The following ASPHD1 variants were observed in gnomAD, a reference collection of about 807,000 sequenced individuals.
ASPHD1 encodes aspartate beta-hydroxylase domain containing 1.
ASPHD1 carries 20 observed loss-of-function variants against 28.3 expected under a neutral mutation model. That is an observed-to-expected ratio of 0.71 (90% CI 0.50 to 1.03). The LOEUF is 1.03. ASPHD1 is among the 50% of genes least tolerant of loss of function. The pLI is 0.00. For missense variants in ASPHD1, 479 were observed against 524.1 expected, an observed-to-expected ratio of 0.91 and a Z score of 0.84; for synonymous variants, 240 against 221.2, an observed-to-expected ratio of 1.08 and a Z score of -0.75.
chr16:29,917,671 CAGG>C (rs570510777), intron 3 of ASPHD1, among the ~76,000 whole-genome samples: 371 of 152,206 alleles, frequency 2.4e-3, no homozygotes, highest in African/African-American at 8.7e-3. Flanking sequence ...CCCAGCTACT[CAGG>C]AGGTTAGGGC....
rs758545223 is a variant in ASPHD1, at chr16:29,901,464, G to C, written c.493G>C (p.Val165Leu). 6.3e-7 allele frequency: 1 copy of C among 1,593,776 alleles called. No individual in the cohort carries two copies. Among genetic ancestry groups the C allele is most frequent in the Non-Finnish European group, 8.5e-7 (1 of 1,170,226 alleles). Residue 165 changes from valine to leucine, a missense_variant, in exon 1 of 3, where the codon GTG becomes CTG. Coordinates refer to ENST00000308748, the MANE Select transcript of ASPHD1 (RefSeq NM_181718.4). This position sits in a 1 kb window ranked among gnomAD's most constrained non-coding sequence, Gnocchi z 5.1. ...RRYSWAGMGR[V>L]RRAAQGGPGP... ...CTACTCCTGGGCTGGGATGGGTAGA[G>C]TGAGGCGGGCAGCTCAGGGTGGCCC...
rs977093894 is a variant in ASPHD1 at position 29,901,557 on chromosome 16, C to A, written c.586C>A (p.Pro196Thr). The A allele has an allele frequency of 1.3e-5, 20 of 1,550,392 alleles. No homozygotes were observed. The highest frequency in any genetic ancestry group is 1.7e-5 in the Non-Finnish European group (20 of 1,155,372). The change falls in exon 1 of 3, where the codon CCT becomes ACT. Residue 196 changes from proline (P) to threonine (T), a missense_variant. By Grantham distance (38) the Pro-to-Thr change is conservative. Transcript: ENST00000308748. This position sits in a 1 kb window ranked among gnomAD's most constrained non-coding sequence, Gnocchi z 5.1. ...AGGCCTGCTTTTCCTACCAGACCTG[C>A]CTTCAGCCCCCTTTGTGCCGCGGGA... ...RPGLLFLPDL[P>T]SAPFVPRDAQ...
chr16:29,916,073 TC>T (rs1441245582), intron 3 of ASPHD1, among the ~76,000 whole-genome samples: 1 of 152,164 alleles, frequency 6.6e-6, no homozygotes, highest in Non-Finnish European at 1.5e-5. Flanking sequence ...GACCATCCGT[TC>T]CTTAGGTATA....
intron 3 of ASPHD1, chr16:29,912,062 C>G (rs370642081): frequency 1.3e-6 from 2 of 1,578,858 alleles, no homozygotes; most frequent in Middle Eastern, 1.7e-4. Context: ...GGGGAAGAAG[C>G]GGAAGGTGGT....
At position 29,900,767 on chromosome 16, in the gene ASPHD1, A is replaced by C; in HGVS notation, c.-205A>C. The C allele has an allele frequency of 5.1e-6, 3 of 591,334 alleles. No individual in the cohort carries two copies. The highest frequency in any genetic ancestry group is 2.9e-5 in the East Asian group (1 of 34,086). 36.6% of individuals were successfully genotyped at this position (591,334 alleles called of 1,614,324 possible). ...GTAGGAACCGCTGCCCAGGGGAGCT[A>C]GGAGGAAGCGGGGAGAGAGAGCGAG... On this transcript the variant is annotated 5_prime_UTR_variant, in exon 1 of 3. Coordinates refer to ENST00000308748, the MANE Select transcript of ASPHD1 (RefSeq NM_181718.4).
chr16:29,901,954 C>A lies in ASPHD1; in HGVS notation c.949+34C>A. 2 of 1,429,124 alleles carry A rather than the reference C, an allele frequency of 1.4e-6. No homozygotes were observed. The highest frequency in any genetic ancestry group is 3.0e-5 in the South Asian group (2 of 66,632). 88.5% of individuals were successfully genotyped at this position (1,429,124 alleles called of 1,614,324 possible). A position where few individuals can be genotyped will look rare whatever the true frequency, so the allele number is the denominator to read the frequency against. On this transcript the variant is annotated intron_variant, in intron 1 of 2. Coordinates refer to ENST00000308748, the MANE Select transcript of ASPHD1 (RefSeq NM_181718.4). This position sits in a 1 kb window ranked among gnomAD's most constrained non-coding sequence, Gnocchi z 5.1. ...CTGCCGCCTACTGACAACCTCCTTG[C>A]CTCGATGATTTCCCCCCCAGACCCT... is the stretch of plus-strand genomic sequence containing the variant.
Position 29,906,007 on chromosome 16 carries a change from T to TTGTTG in ASPHD1, c.*110_*111insTGTTG. 3 of 488,888 alleles carry TTGTTG rather than the reference T, an allele frequency of 6.1e-6. No homozygotes were observed. The highest frequency in any genetic ancestry group is 5.0e-4 in the Middle Eastern group (1 of 1,998). 30.3% of individuals were successfully genotyped at this position (488,888 alleles called of 1,614,324 possible). A position where few individuals can be genotyped will look rare whatever the true frequency, so the allele number is the denominator to read the frequency against. ...TGCGGGGGTGGGCGGGGGCGGAGGA[T>TTGTTG]GGGAACTGGCTAGTGAGCACTGAAA... is the stretch of plus-strand genomic sequence containing the variant. On this transcript the variant is annotated 3_prime_UTR_variant, in exon 3 of 3. Transcript: ENST00000308748.
chr16:29,906,776 T>G, downstream of ASPHD1: 1 of 1,084,978 alleles, frequency 9.2e-7, no homozygotes, highest in Non-Finnish European at 1.4e-6. Flanking sequence ...GACCCACGAC[T>G]TGGCCAGCAG....
At chr16:29,907,128 C>T, downstream of ASPHD1, 2 of 1,560,592 alleles carry the variant, frequency 1.3e-6, no homozygotes, top group Non-Finnish European at 8.8e-7. Context: ...GCCAGCCGGC[C>T]CCAGCTCCTT....
At chr16:29,915,827 G>A (rs549767998) in intron 3 of ASPHD1, among the ~76,000 whole-genome samples, 7 of 152,076 alleles carry the variant, frequency 4.6e-5, no homozygotes, top group Non-Finnish European at 8.8e-5. Flanking sequence ...TTGACCTTTA[G>A]ACCACATTTC....
downstream of ASPHD1, chr16:29,906,942 CTGCGGACACGG>C (rs1034910953): frequency 1.3e-5 from 21 of 1,614,038 alleles, no homozygotes; most frequent in Non-Finnish European, 1.7e-5. Flanking sequence ...GACATGGATC[CTGCGGACACGG>C]TGCTCTCGGT....
chr16:29,909,688 CTT>C (rs760949977), downstream of ASPHD1, among the ~76,000 whole-genome samples: 9 of 142,866 alleles, frequency 6.3e-5, no homozygotes, highest in Admixed American at 7.1e-5. Flanking sequence ...CTGAGTTTCC[CTT>C]TTTTTTTTTT....
chr16:29,913,339 G>A (rs2068750491), intron 3 of ASPHD1: 1 of 151,940 alleles, frequency 6.6e-6, no homozygotes, highest in African/African-American at 2.4e-5. Flanking sequence ...TATCAGTTCG[G>A]GCACAGAAAC....
chr16:29,906,423 G>A (rs1028008262), downstream of ASPHD1: 1 of 413,044 alleles, frequency 2.4e-6, no homozygotes, highest in Non-Finnish European at 4.8e-6. Flanking sequence ...GCTGAGCTGG[G>A]CAGGCCCAGG....
At chr16:29,902,889 C>CTTTTTTT in intron 1 of ASPHD1, among the ~76,000 whole-genome samples, 1 of 129,806 alleles carries the variant, frequency 7.7e-6, no homozygotes, top group Non-Finnish European at 1.6e-5. Context: ...TTTTCTTTTT[C>CTTTTTTT]TTTTTTTTTT....
At chr16:29,919,755 A>G (rs1157830021), downstream of ASPHD1, 2 of 152,166 alleles carry the variant, frequency 1.3e-5, no homozygotes, top group African/African-American at 2.4e-5. Context: ...ACACACACAC[A>G]CACATACTCT....
intron 3 of ASPHD1, among the ~76,000 whole-genome samples, chr16:29,912,641 T>C (rs1281795482): frequency 6.6e-6 from 1 of 152,190 alleles, no homozygotes; most frequent in Non-Finnish European, 1.5e-5. Context: ...GGTTTCTCCA[T>C]GTTGGTCAGG....
chr16:29,906,261 C>A (rs915484575), downstream of ASPHD1: 1 of 193,318 alleles, frequency 5.2e-6, no homozygotes, highest in Non-Finnish European at 1.1e-5. Context: ...TGGGATTACA[C>A]GTGTGAGCCA....
chr16:29,916,746 G>A (rs1039341837), intron 3 of ASPHD1, among the ~76,000 whole-genome samples: 2 of 152,198 alleles, frequency 1.3e-5, no homozygotes, highest in Non-Finnish European at 2.9e-5. Flanking sequence ...CATAGTTTCT[G>A]TGGGTCAGGA....
Sources: allele counts gnomAD v4.1 joint callset (sites outside exome capture counted in the v4.1 genomes callset), GRCh38; gene constraint gnomAD v4.1.1; non-coding constraint Gnocchi (gnomAD v3.1); transcripts MANE v1.5; gene names NCBI Gene and HGNC (gene_info 2026-07-23, HGNC 2026-07-21).